The following SLC36A1 variants were observed in gnomAD, a reference collection of about 807,000 sequenced individuals.
SLC36A1 encodes the protein proton-coupled amino acid transporter 1.
SLC36A1 carries 30 observed loss-of-function variants against 47.5 expected under a neutral mutation model. The observed-to-expected ratio is 0.63, with a 90% CI of 0.47 to 0.86. SLC36A1 has a LOEUF of 0.86. SLC36A1 is among the 40% of genes least tolerant of loss of function. The probability of loss-of-function intolerance (pLI) is 0.00; values close to 1 mark genes in which losing one functional copy is unlikely to be tolerated. For synonymous variants in SLC36A1, 255 were observed against 249.7 expected (o/e 1.02, Z -0.20); for missense variants, 517 against 606.0 (o/e 0.85, Z 1.54).
At chr5:151,523,255 TACA>T in the SLC36A1 span, among the ~76,000 whole-genome samples, 7 of 152,094 alleles carry the variant, frequency 4.6e-5, no homozygotes, top group Non-Finnish European at 7.4e-5. Context: ...TAACATTAGT[TACA>T]ACAATACTAC....
chr5:151,346,003 G>A, the SLC36A1 span, among the ~76,000 whole-genome samples: 3 of 152,186 alleles, frequency 2.0e-5, no homozygotes, highest in Admixed American at 1.3e-4. Context: ...GTGGGAATTC[G>A]AGTCTGGGTG....
At chr5:151,355,143 T>C in the SLC36A1 span, among the ~76,000 whole-genome samples, 1 of 152,150 alleles carries the variant, frequency 6.6e-6, no homozygotes, top group Non-Finnish European at 1.5e-5. Flanking sequence ...GAGATTTTAT[T>C]ATCCATGCAA....
At chr5:151,537,329 GAAAGAAAAGA>G in the SLC36A1 span, among the ~76,000 whole-genome samples, 82 of 101,668 alleles carry the variant, frequency 8.1e-4, no homozygotes, top group Non-Finnish European at 1.2e-3. Context: ...GAGAAAAAAA[GAAAGAAAAGA>G]AAAGAAAAGA....
chr5:151,531,994 A>G, the SLC36A1 span: 2 of 1,611,954 alleles, frequency 1.2e-6, no homozygotes, highest in Non-Finnish European at 1.7e-6. The surrounding 1 kb of genome is among the most constrained non-coding windows in gnomAD (Gnocchi z 5.7). Context: ...CAAGGGTGTG[A>G]TCCACACTGA....
chr5:151,417,416 A>G, the SLC36A1 span, among the ~76,000 whole-genome samples: 4 of 152,206 alleles, frequency 2.6e-5, no homozygotes, highest in African/African-American at 7.2e-5. Flanking sequence ...ATGTCCTGAG[A>G]CTGCACAAAG....
the SLC36A1 span, among the ~76,000 whole-genome samples, chr5:151,522,962 C>T: frequency 6.6e-6 from 1 of 152,248 alleles, no homozygotes; most frequent in South Asian, 2.1e-4. Context: ...ATCATAAACG[C>T]ATTTTCCTTT....
At chr5:151,384,778 A>G in the SLC36A1 span, among the ~76,000 whole-genome samples, 2 of 152,116 alleles carry the variant, frequency 1.3e-5, no homozygotes, top group African/African-American at 4.8e-5. Context: ...GCAACCCTCA[A>G]ACCTCTCACT....
chr5:151,390,839 A>G, the SLC36A1 span, among the ~76,000 whole-genome samples: 1 of 152,170 alleles, frequency 6.6e-6, no homozygotes, highest in African/African-American at 2.4e-5. Flanking sequence ...GTCAGGTAGC[A>G]TGATGCCTCC....
the SLC36A1 span, chr5:151,544,766 A>G: frequency 6.2e-7 from 1 of 1,614,190 alleles, no homozygotes; most frequent in Non-Finnish European, 8.5e-7. Flanking sequence ...TCCCCAAGAT[A>G]GGGGTCAATT....
chr5:151,513,622 CA>C, the SLC36A1 span, among the ~76,000 whole-genome samples: 2 of 13,142 alleles, frequency 1.5e-4, no homozygotes, highest in South Asian at 7.5e-3. Context: ...AGGTTAAGGA[CA>C]AAAAACTACC....
the SLC36A1 span, among the ~76,000 whole-genome samples, chr5:151,388,310 G>A: frequency 3.9e-5 from 6 of 151,910 alleles, no homozygotes; most frequent in South Asian, 2.1e-4. Context: ...AAGACCAGAC[G>A]GTCCAACATG....
At chr5:151,492,984 GTCTC>G (rs1760230152), downstream of SLC36A1, among the ~76,000 whole-genome samples, 2 of 152,036 alleles carry the variant, frequency 1.3e-5, no homozygotes, top group Admixed American at 1.3e-4. Context: ...CTCTCTCTCA[GTCTC>G]TCTATGTGTA....
Position 151,474,159 on chromosome 5 carries a change from CA to C in SLC36A1, c.822+408del, listed in dbSNP as rs1156305401. ...TGGGTGACAGAGCGAGACTCTGTCTCAAAAAAAAAAAAAAAAAAAAGAAATT... is the reference window on the plus strand; with the variant it reads ...TGGGTGACAGAGCGAGACTCTGTCTCAAAAAAAAAAAAAAAAAAAGAAATT... On this transcript the variant is annotated intron_variant, in intron 8 of 10. Transcript: ENST00000243389. Among the ~76,000 whole-genome samples the C allele has an allele frequency of 9.3e-4, 56 of 59,956 alleles. 1 individual carries two copies. Among genetic ancestry groups the C allele is most frequent in the African/African-American group, 1.3e-3 (16 of 11,998 alleles). 39.3% of individuals were successfully genotyped at this position (59,956 alleles called of 152,430 possible).
intron 1 of SLC36A1, chr5:151,450,815 G>A (rs1259164937): frequency 6.6e-6 from 1 of 152,284 alleles, no homozygotes; most frequent in African/African-American, 2.4e-5. Flanking sequence ...GCCTGGTGCT[G>A]ATAACCGCTT....
At chr5:151,438,446 G>A (rs1489887892) in intron 1 of SLC36A1, among the ~76,000 whole-genome samples, 3 of 151,434 alleles carry the variant, frequency 2.0e-5, no homozygotes, top group Admixed American at 1.3e-4. Context: ...GGACCCACCT[G>A]GCACTCAGCA....
At chr5:151,361,237 G>A in the SLC36A1 span, among the ~76,000 whole-genome samples, 3 of 152,102 alleles carry the variant, frequency 2.0e-5, no homozygotes, top group Admixed American at 6.5e-5. Flanking sequence ...CTTAAAGTTC[G>A]TTGAGACCCC....
At chr5:151,362,854 G>T in the SLC36A1 span, among the ~76,000 whole-genome samples, 1 of 152,142 alleles carries the variant, frequency 6.6e-6, no homozygotes, top group African/African-American at 2.4e-5. Flanking sequence ...TTATTTTGGA[G>T]ATCACTGAGT....
At chr5:151,435,354 T>C (rs1369707669), upstream of SLC36A1, among the ~76,000 whole-genome samples, 1 of 152,166 alleles carries the variant, frequency 6.6e-6, no homozygotes, top group African/African-American at 2.4e-5. Context: ...TGAAGACATT[T>C]TCAAACAAAA....
At chr5:151,478,674 C>T (rs189099315) in intron 9 of SLC36A1, among the ~76,000 whole-genome samples, 3 of 152,332 alleles carry the variant, frequency 2.0e-5, no homozygotes, top group African/African-American at 7.2e-5. Flanking sequence ...GAGCATTAAG[C>T]TTCCACCCCG....
Sources: gnomAD v4.1 joint callset for allele counts (sites outside exome capture counted in the v4.1 genomes callset) on GRCh38, gnomAD v4.1.1 for gene constraint, Gnocchi (gnomAD v3.1) non-coding constraint, MANE v1.5 for transcripts, NCBI Gene and HGNC (gene_info 2026-07-23, HGNC 2026-07-21) for gene names.